The following PKHD1L1 variants were observed in gnomAD, a reference collection of about 807,000 sequenced individuals.
PKHD1L1 encodes the protein fibrocystin-L.
Under a neutral mutation model 462.9 loss-of-function variants are expected in PKHD1L1, and 434 were observed. That is an observed-to-expected ratio of 0.94 (90% CI 0.87 to 1.02). PKHD1L1 has a LOEUF of 1.02. Among genes scored for constraint, PKHD1L1 ranks in the 50% least tolerant of loss-of-function variants. The pLI is 0.00. For missense variants in PKHD1L1, 5,202 were observed against 5,096.1 expected (o/e 1.02, Z -0.63); for synonymous variants, 1,781 against 1,750.0 (o/e 1.02, Z -0.44).
chr8:109,377,506 A>T (rs567042845), intron 2 of PKHD1L1, among the ~76,000 whole-genome samples: 34 of 152,294 alleles, frequency 2.2e-4, no homozygotes, highest in African/African-American at 7.5e-4. Context: ...TTTCAAATAT[A>T]ATACTACCGG....
chr8:109,400,300 C>T lies in PKHD1L1; in HGVS notation c.1237C>T (p.Arg413Cys), dbSNP rs531324734. 7.4e-6 allele frequency: 12 copies of T among 1,613,278 alleles called. No individual in the cohort carries two copies. Among genetic ancestry groups the T allele is most frequent in the South Asian group, 6.6e-5 (6 of 91,074 alleles). The change falls in exon 13 of 78, where the codon CGT becomes TGT. Residue 413 changes from arginine (R) to cysteine (C), a missense_variant. Coordinates refer to ENST00000378402, the MANE Select transcript of PKHD1L1 (RefSeq NM_177531.6). ...VYRFYIKGDD[R>C]YAIYFSQTGL... ...TAGATTCTACATCAAGGGTGATGAC[C>T]GTTATGCTATTTATTTTAGCCAGAC...
intron 2 of PKHD1L1, among the ~76,000 whole-genome samples, chr8:109,372,003 A>G (rs1054598763): frequency 3.2e-4 from 48 of 152,184 alleles, no homozygotes; most frequent in Middle Eastern, 3.4e-3. Flanking sequence ...TTTTGGTTCC[A>G]TATGAACTTC....
chr8:109,486,946 G>T, intron 59 of PKHD1L1, 125 bp downstream of exon 59: 2 of 994,940 alleles, frequency 2.0e-6, no homozygotes, highest in Non-Finnish European at 2.9e-6. Context: ...CATTAAAAGT[G>T]ATTATGTAGC....
intron 67 of PKHD1L1, chr8:109,499,022 T>A: frequency 2.3e-6 from 1 of 439,818 alleles, no homozygotes; most frequent in Non-Finnish European, 4.0e-6. Flanking sequence ...CTGGCATTTG[T>A]GATTTAATAT....
At chr8:109,515,135 T>G in intron 71 of PKHD1L1, 35 bp from the exon 72 acceptor site, 1 of 1,434,470 alleles carries the variant, frequency 7.0e-7, no homozygotes, top group Non-Finnish European at 9.4e-7. Flanking sequence ...ATATTCTATT[T>G]TGTTGCTTTC....
At chr8:109,376,874 G>T (rs971161070) in intron 2 of PKHD1L1, among the ~76,000 whole-genome samples, 9 of 152,140 alleles carry the variant, frequency 5.9e-5, no homozygotes, top group African/African-American at 2.2e-4. Context: ...GTTAGAGCTG[G>T]GATTCCAGGC....
At chr8:109,490,869 A>G (rs2130918770) in intron 60 of PKHD1L1, 103 bp from the exon 61 acceptor site, 1 of 1,030,576 alleles carries the variant, frequency 9.7e-7, no homozygotes, top group Middle Eastern at 3.1e-4. Context: ...TTGAGTATTG[A>G]TTATTGATAA....
chr8:109,479,472 T>A, intron 53 of PKHD1L1, 79 bp from the exon 54 acceptor site: 2 of 961,138 alleles, frequency 2.1e-6, no homozygotes, highest in South Asian at 1.6e-5. Flanking sequence ...TATGGGGAAA[T>A]GGAACGGTTT....
At chr8:109,455,803 A>G (rs1179910685) in intron 45 of PKHD1L1, among the ~76,000 whole-genome samples, 1 of 152,154 alleles carries the variant, frequency 6.6e-6, no homozygotes, top group Non-Finnish European at 1.5e-5. Flanking sequence ...TTAGAATACC[A>G]TAAACATGAT....
chr8:109,445,343 A>G lies in PKHD1L1; in HGVS notation c.5474A>G (p.Asn1825Ser), dbSNP rs766668088. The change falls in exon 38 of 78, where the codon AAC (asparagine) becomes AGC (serine). Residue 1825 changes from asparagine to serine, a missense_variant. Asn to Ser is a conservative substitution (Grantham distance 46). Coordinates refer to ENST00000378402, the MANE Select transcript of PKHD1L1 (RefSeq NM_177531.6). ...GGAAGTAAAGGCTTGGCTCTGGGAA[A>G]CCTGACTGTCAGCAGCCCCCCAGTA... is the stretch of plus-strand genomic sequence containing the variant. Reference protein sequence around the residue: ...VVGSKGLALGNLTVSSPPVAS... With the variant: ...VVGSKGLALGSLTVSSPPVAS... The G allele has an allele frequency of 2.2e-5, 35 of 1,613,800 alleles. No homozygotes were observed. Among genetic ancestry groups the G allele is most frequent in the Non-Finnish European group, 3.0e-5 (35 of 1,179,870 alleles).
In PKHD1L1 at chr8:109,464,211, A is replaced by T; in HGVS notation, c.7384-5A>T. The T allele has an allele frequency of 6.4e-7, 1 of 1,572,228 alleles. No homozygotes were observed. Among genetic ancestry groups the T allele is most frequent in the Non-Finnish European group, 8.7e-7 (1 of 1,153,948 alleles). On this transcript the variant is annotated splice_region_variant and splice_polypyrimidine_tract_variant and intron_variant, in intron 48 of 77. Coordinates refer to ENST00000378402, the MANE Select transcript of PKHD1L1 (RefSeq NM_177531.6). ...CTAAATAACTGTGATTTCTGGGCTT[A>T]ACAGGTATTCCATGCTGGCCAGGCT...
chr8:109,478,046 A>G (rs1818082405), intron 53 of PKHD1L1, among the ~76,000 whole-genome samples: 1 of 152,154 alleles, frequency 6.6e-6, no homozygotes, highest in South Asian at 2.1e-4. Context: ...GATTTGATGT[A>G]TATTTGCATC....
chr8:109,452,029 T>G (rs978111723), intron 41 of PKHD1L1, 95 bp from the exon 42 acceptor site: 4 of 1,144,574 alleles, frequency 3.5e-6, no homozygotes, highest in Non-Finnish European at 4.8e-6. Context: ...AGGTCATTTT[T>G]TTTTTGCAAT....
rs1820915029 is a variant in PKHD1L1 at position 109,528,287 on chromosome 8, C to T, written c.12721+1267C>T. On this transcript the variant is annotated intron_variant, in intron 77 of 77. Transcript: ENST00000378402. ...ACATGTTTAGCACAGAATTCCTCAT[C>T]ATCTCCTTACAAACATACTTCTCCG... 2.0e-5 allele frequency among the ~76,000 whole-genome samples: 3 copies of T among 152,096 alleles called. No individual in the cohort carries two copies. The South Asian group carries it at 6.2e-4, about 32-fold the overall frequency.
rs566298253 is a variant in PKHD1L1 at position 109,452,670 on chromosome 8, A to T, written c.6508-48A>T. ...TGCTTTTTGAAAAATCGAATGAAAA[A>T]CTCTGGTAAAATCCCTAAATTTTAA... On this transcript the variant is annotated intron_variant, in intron 42 of 77. Transcript: ENST00000378402. 9.3e-5 allele frequency: 120 copies of T among 1,285,524 alleles called. 2 individuals are homozygous for T. The East Asian group carries it at 3.1e-3, about 33-fold the overall frequency. The allele number at this position is 1,285,524 out of a possible 1,614,324, so 79.6% of individuals were successfully genotyped here. A position where few individuals can be genotyped will look rare whatever the true frequency, so the allele number is the denominator to read the frequency against.
In PKHD1L1 at chr8:109,491,929, G is replaced by A. The variant is rs200902521; in HGVS notation, c.10171G>A (p.Val3391Ile). ...RVRGNLIALS[V>I]WPGTYQNRKD... ...CCGAGGGAATTTGATTGCACTTTCGGTTTGGCCAGGAACCTATCAGAACAG... is the reference window on the plus strand; with the variant it reads ...CCGAGGGAATTTGATTGCACTTTCGATTTGGCCAGGAACCTATCAGAACAG... Residue 3391 changes from valine (V) to isoleucine (I), a missense_variant, in exon 62 of 78, where the codon GTT becomes ATT. Coordinates refer to ENST00000378402, the MANE Select transcript of PKHD1L1 (RefSeq NM_177531.6). 1.7e-3 allele frequency: 2,746 copies of A among 1,604,708 alleles called. 2 individuals carry two copies. Among genetic ancestry groups the A allele is most frequent in the Non-Finnish European group, 2.1e-3 (2,484 of 1,173,704 alleles).
At chr8:109,514,753 T>C (rs1003224256) in intron 71 of PKHD1L1, among the ~76,000 whole-genome samples, 2 of 152,142 alleles carry the variant, frequency 1.3e-5, no homozygotes, top group Admixed American at 6.6e-5. Flanking sequence ...TTAGTCTTCC[T>C]ACCAAATTTT....
chr8:109,435,194 A>G lies in PKHD1L1; in HGVS notation c.3345A>G (p.Lys1115=). The G allele has an allele frequency of 6.2e-7, 1 of 1,612,334 alleles. No homozygotes were observed. The highest frequency in any genetic ancestry group is 1.1e-5 in the South Asian group (1 of 90,492). Reference sequence around the variant, plus strand: ...TCTTTTTCTTTTTTTCACAAGAAAAAGAGCTCAAGTGCCAGATTCTGAATG... The same window carrying G: ...TCTTTTTCTTTTTTTCACAAGAAAAGGAGCTCAAGTGCCAGATTCTGAATG... ...VGCSLLSVDE[K]ELKCQILNGS... is the part of the protein sequence containing the mutation. Residue 1115 remains lysine, a synonymous_variant, in exon 29 of 78, where the codon AAA becomes AAG. Transcript: ENST00000378402.
At chr8:109,425,510 A>T (rs1814699161) in intron 24 of PKHD1L1, among the ~76,000 whole-genome samples, 1 of 152,010 alleles carries the variant, frequency 6.6e-6, no homozygotes, top group African/African-American at 2.4e-5. Flanking sequence ...TCCAAAGCTA[A>T]CATTATTTAT....
Sources: gnomAD v4.1 joint callset for allele counts (sites outside exome capture counted in the v4.1 genomes callset) on GRCh38, gnomAD v4.1.1 for gene constraint, MANE v1.5 for transcripts, NCBI Gene and HGNC (gene_info 2026-07-23, HGNC 2026-07-21) for gene names.